Variants in SPTB observed in about 807,000 individuals in gnomAD.
SPTB encodes the protein spectrin beta chain, erythrocytic.
Under a neutral mutation model 256.2 loss-of-function variants are expected in SPTB, and 45 were observed. The observed-to-expected ratio is 0.18, with a 90% confidence interval of 0.14 to 0.23. The LOEUF is 0.23. Among genes scored for constraint, SPTB ranks in the 10% least tolerant of loss-of-function variants. The pLI is 1.00. For missense variants in SPTB, 2,715 were observed against 3,040.4 expected (o/e 0.89, Z 2.52); for synonymous variants, 1,231 against 1,243.1 (o/e 0.99, Z 0.21).
At chr14:64,834,781 A>C (rs2083497786) in intron 1 of SPTB, among the ~76,000 whole-genome samples, 1 of 141,330 alleles carries the variant, frequency 7.1e-6, no homozygotes, top group African/African-American at 3.0e-5. Flanking sequence ...CCCATGCCTC[A>C]ATTTCCTCAC....
intron 32 of SPTB, chr14:64,763,626 T>C (rs1237257570): frequency 2.1e-6 from 1 of 468,226 alleles, no homozygotes; most frequent in African/African-American, 2.0e-5. Context: ...TTAGGTGGTT[T>C]TTATCTCAAA....
At chr14:64,769,553 AC>A in intron 28 of SPTB, 36 bp downstream of exon 28, 1 of 1,611,952 alleles carries the variant, frequency 6.2e-7, no homozygotes, top group Non-Finnish European at 8.5e-7. Flanking sequence ...GGGGACGGAG[AC>A]GGAGGAGCTC....
chr14:64,749,686 C>A lies in SPTB; in HGVS notation c.6787G>T (p.Gly2263Cys), dbSNP rs1293076145. ...KHVFKLRLSN[G>C]SEWLFHGKDE... ...TTGCCATGGAAGAGCCACTCGCTGC[C>A]ATTACTCAGCCTAGGAGGACAAAGG... The change falls in exon 35 of 36, where the codon GGC (glycine) becomes TGC (cysteine). Residue 2263 changes from glycine to cysteine, a missense_variant. Gly to Cys is a radical substitution (Grantham distance 159, BLOSUM62 -3). Around this residue, in one of 4 missense-constraint regions of SPTB, gnomAD observed 2,239 missense variants for 2,384.4 expected, o/e 0.94. Coordinates refer to ENST00000644917, the MANE Select transcript of SPTB (RefSeq NM_001355436.2). This position sits in a 1 kb window ranked among gnomAD's most constrained non-coding sequence, Gnocchi z 4.7. 1 of 1,613,890 alleles carries A rather than the reference C, an allele frequency of 6.2e-7. No individual in the cohort carries two copies. Among genetic ancestry groups the A allele is most frequent in the East Asian group, 2.2e-5 (1 of 44,868 alleles).
intron 32 of SPTB, 106 bp downstream of exon 32, chr14:64,766,620 G>C: frequency 2.5e-6 from 4 of 1,610,100 alleles, no homozygotes; most frequent in Non-Finnish European, 3.4e-6. Flanking sequence ...GGAGGGCGGG[G>C]CTGCGCCAGC....
In SPTB at chr14:64,775,854, C is replaced by T. The variant is rs1202631787; in HGVS notation, c.4564-451G>A. 1.3e-5 allele frequency among the ~76,000 whole-genome samples: 2 copies of T among 152,222 alleles called. No homozygotes were observed. Among genetic ancestry groups the T allele is most frequent in the Non-Finnish European group, 2.9e-5 (2 of 68,030 alleles). Reference sequence around the variant, plus strand: ...CAGGATCATTTACGCAGGATACGCCCAACCCAGCAGCTCAGGTGGGCACAG... The same window carrying T: ...CAGGATCATTTACGCAGGATACGCCTAACCCAGCAGCTCAGGTGGGCACAG... On this transcript the variant is annotated intron_variant, in intron 22 of 35. Transcript: ENST00000644917. The surrounding 1 kb of genome is among the most constrained non-coding windows in gnomAD (Gnocchi z 5.0).
At chr14:64,833,892 T>C (rs921698047) in intron 1 of SPTB, among the ~76,000 whole-genome samples, 5 of 152,104 alleles carry the variant, frequency 3.3e-5, no homozygotes, top group African/African-American at 9.7e-5. Flanking sequence ...GGACACACCA[T>C]GTGGAGGCCC....
chr14:64,864,288 C>G (rs1275547770), intron 1 of SPTB, among the ~76,000 whole-genome samples: 1 of 55,532 alleles, frequency 1.8e-5, no homozygotes, highest in Non-Finnish European at 6.2e-5. Context: ...GAGACTTCAT[C>G]TCTTAAAAAA....
chr14:64,828,525 G>C (rs750356235), intron 1 of SPTB, among the ~76,000 whole-genome samples: 1 of 152,190 alleles, frequency 6.6e-6, no homozygotes, highest in Admixed American at 6.5e-5. Flanking sequence ...TGGTACAAAA[G>C]TAATTGTGGG....
rs893904967 is a variant in SPTB at position 64,749,274 on chromosome 14, C to G, written c.*32G>C. The G allele has an allele frequency of 5.2e-6, 8 of 1,550,022 alleles. No homozygotes were observed. The African/African-American group carries it at 1.1e-4, about 21-fold the overall frequency. On this transcript the variant is annotated 3_prime_UTR_variant, in exon 36 of 36. Coordinates refer to ENST00000644917, the MANE Select transcript of SPTB (RefSeq NM_001355436.2). The surrounding 1 kb of genome is among the most constrained non-coding windows in gnomAD (Gnocchi z 4.7). ...CCTGGGCTGCCCGGTCTCTGCGCGT[C>G]CCGACTCCGCCGCGCCCGCCAGCCC...
At chr14:64,797,504 G>GAAAAAA (rs1218402712) in intron 10 of SPTB, among the ~76,000 whole-genome samples, 2 of 92,618 alleles carry the variant, frequency 2.2e-5, no homozygotes, top group African/African-American at 7.2e-5. Context: ...AAAAAAAAAG[G>GAAAAAA]ACTCAGGGAT....
At chr14:64,765,898 T>G (rs229582) in intron 32 of SPTB, among the ~76,000 whole-genome samples, 6,583 of 146,754 alleles carry the variant, frequency 0.045, 230 homozygotes, top group African/African-American at 0.094. Context: ...TGTGCATGTG[T>G]GTGTGTGTGG....
Position 64,785,502 on chromosome 14 carries a change from T to C in SPTB, c.3855+35A>G, listed in dbSNP as rs1594773398. ...GGAACTCTGCTTCTAGAAAGGAATC[T>C]CCAGGAAAGCAGCCACTCCTTGCTG... On this transcript the variant is annotated intron_variant, in intron 18 of 35. Coordinates refer to ENST00000644917, the MANE Select transcript of SPTB (RefSeq NM_001355436.2). The surrounding 1 kb of genome is among the most constrained non-coding windows in gnomAD (Gnocchi z 4.4). 6.3e-7 allele frequency: 1 copy of C among 1,575,896 alleles called. No individual in the cohort carries two copies. Among genetic ancestry groups the C allele is most frequent in the Non-Finnish European group, 8.7e-7 (1 of 1,155,356 alleles).
In SPTB at chr14:64,845,776, T is replaced by A. The variant is rs1052358231; in HGVS notation, c.-51-22631A>T. Among the ~76,000 whole-genome samples, 5 of 152,248 alleles carry A rather than the reference T, an allele frequency of 3.3e-5. No homozygotes were observed. Among genetic ancestry groups the A allele is most frequent in the African/African-American group, 1.2e-4 (5 of 41,468 alleles). On this transcript the variant is annotated intron_variant, in intron 1 of 35. Transcript: ENST00000644917. The surrounding 1 kb of genome is among the most constrained non-coding windows in gnomAD (Gnocchi z 4.8). The stretch of plus-strand genomic sequence containing the variant: ...TCTGCCATGGGCTCGCCTAGTCTCT[T>A]CATTGTTGAGTCAAATTATTTTCGA...
intron 1 of SPTB, among the ~76,000 whole-genome samples, chr14:64,874,005 C>G (rs1882685480): frequency 6.6e-6 from 1 of 152,140 alleles, no homozygotes; most frequent in Non-Finnish European, 1.5e-5. Flanking sequence ...TTCACTTTCT[C>G]TTCACTGCCA....
At chr14:64,798,214 T>G (rs938420448) in intron 9 of SPTB, among the ~76,000 whole-genome samples, 4 of 152,168 alleles carry the variant, frequency 2.6e-5, no homozygotes, top group Non-Finnish European at 5.9e-5. Context: ...GTGCTGCAAG[T>G]GATGAGGGCT....
At chr14:64,770,769 T>C in intron 27 of SPTB, 116 bp downstream of exon 27, 3 of 1,519,108 alleles carry the variant, frequency 2.0e-6, no homozygotes, top group East Asian at 2.3e-5. Context: ...GGGATTTTCA[T>C]GGAACGATAG....
At chr14:64,838,998 T>G (rs1328204607) in intron 1 of SPTB, among the ~76,000 whole-genome samples, 1 of 152,012 alleles carries the variant, frequency 6.6e-6, no homozygotes, top group African/African-American at 2.4e-5. Context: ...CCTGGGGTAG[T>G]GGCGGGTGCC....
In SPTB at chr14:64,878,173, T is replaced by C. The variant is rs1224701268; in HGVS notation, c.-52+1619A>G. Among the ~76,000 whole-genome samples the C allele has an allele frequency of 3.3e-5, 5 of 152,340 alleles. No individual in the cohort carries two copies. In the East Asian group the frequency reaches 9.6e-4, roughly 29 times the overall value. ...AAGGGGTCTGAAAGCCACATTTTCATGAGCGTTTATGTCTTTCAATGGTGC... is the reference window on the plus strand; with the variant it reads ...AAGGGGTCTGAAAGCCACATTTTCACGAGCGTTTATGTCTTTCAATGGTGC... On this transcript the variant is annotated intron_variant, in intron 1 of 35. Coordinates refer to ENST00000644917, the MANE Select transcript of SPTB (RefSeq NM_001355436.2).
chr14:64,875,760 A>G (rs1882794070), intron 1 of SPTB, among the ~76,000 whole-genome samples: 1 of 152,218 alleles, frequency 6.6e-6, no homozygotes, highest in South Asian at 2.1e-4. Context: ...TGTGATATCC[A>G]TATGGTTTCA....
Sources: allele counts gnomAD v4.1 joint callset (sites outside exome capture counted in the v4.1 genomes callset), GRCh38; gene constraint gnomAD v4.1.1; regional missense constraint gnomAD v4.1.1; non-coding constraint Gnocchi (gnomAD v3.1); transcripts MANE v1.5; gene names NCBI Gene and HGNC (gene_info 2026-07-23, HGNC 2026-07-21).